The following SRPX variants were observed in gnomAD, a reference collection of about 807,000 sequenced individuals.
SRPX encodes the protein sushi repeat-containing protein SRPX.
In SRPX, 24 loss-of-function variants were observed where a neutral mutation model predicts 38.1. The ratio of observed to expected loss-of-function variants is 0.63; its 90% CI spans 0.46 to 0.89. The LOEUF is 0.89. SRPX is among the 40% of genes least tolerant of loss of function. The probability of loss-of-function intolerance (pLI) is 0.00; values close to 1 mark genes in which losing one functional copy is unlikely to be tolerated. For missense variants in SRPX, 416 were observed against 377.8 expected (o/e 1.10, Z -0.84); for synonymous variants, 184 against 153.8 (o/e 1.20, Z -1.45).
At chrX:38,197,249 G>C (rs376010626) in intron 1 of SRPX, among the ~76,000 whole-genome samples, 2 of 112,207 alleles carry the variant, frequency 1.8e-5, no homozygotes, top group African/African-American at 6.5e-5. Flanking sequence ...AGCTTCCCTG[G>C]CAGGCTTGGG....
At chrX:38,205,012 G>A (rs1486066539) in intron 1 of SRPX, among the ~76,000 whole-genome samples, 4 of 111,358 alleles carry the variant, frequency 3.6e-5, no homozygotes, top group African/African-American at 9.8e-5. Context: ...AGCATGGTAG[G>A]AGACACCCAC....
At position 38,164,754 on chromosome X, in the gene SRPX, C is replaced by T; in HGVS notation, c.653+15G>A. 8.3e-7 allele frequency: 1 copy of T among 1,207,903 alleles called. No individual in the cohort carries two copies. Among genetic ancestry groups the T allele is most frequent in the Admixed American group, 2.2e-5 (1 of 45,613 alleles). On this transcript the variant is annotated intron_variant, in intron 5 of 9. Transcript: ENST00000378533. Reference sequence around the variant, plus strand: ...AAAAGAGACAGCATCATTTTATCTGCCAAGTTTCACTTACTCAGTAAGAAT... The same window carrying T: ...AAAAGAGACAGCATCATTTTATCTGTCAAGTTTCACTTACTCAGTAAGAAT...
At chrX:38,211,988 A>T (rs755663740) in intron 1 of SRPX, among the ~76,000 whole-genome samples, 5 of 112,014 alleles carry the variant, frequency 4.5e-5, no homozygotes, top group Non-Finnish European at 9.4e-5. Context: ...TGTCTTTAAG[A>T]GCTGATCAGT....
chrX:38,189,523 A>AT lies in SRPX; in HGVS notation c.98-11180dup, dbSNP rs200206929. ...TCTCAGCTCAGAGAATGAAGTGATTATCAGTTATAGGAGAACAAGGATTGA... is the reference window on the plus strand; with the variant it reads ...TCTCAGCTCAGAGAATGAAGTGATTATTCAGTTATAGGAGAACAAGGATTGA... On this transcript the variant is annotated intron_variant, in intron 1 of 9. Coordinates refer to ENST00000378533, the MANE Select transcript of SRPX (RefSeq NM_006307.5). Among the ~76,000 whole-genome samples the AT allele has an allele frequency of 2.4e-3, 267 of 111,952 alleles. 1 individual carries two copies. The highest frequency in any genetic ancestry group is 8.1e-3 in the African/African-American group (251 of 30,832).
rs768486843 is a variant in SRPX, at chrX:38,161,020, A to T, written c.688T>A (p.Phe230Ile). Residue 230 changes from phenylalanine to isoleucine, a missense_variant, in exon 6 of 10, where the codon TTT becomes ATT. Transcript: ENST00000378533. ...TGGATCTTGTGGTCTCCTTCTGGAA[A>T]GTTGGAGCCTGGGGGGAGGCCTTTT... ...ILKGLPPGSN[F>I]PEGDHKIQYT... 2.5e-6 allele frequency: 3 copies of T among 1,210,683 alleles called. No homozygotes were observed.
At chrX:38,162,920 G>A (rs754896314) in intron 5 of SRPX, among the ~76,000 whole-genome samples, 43 of 112,988 alleles carry the variant, frequency 3.8e-4, no homozygotes, top group Non-Finnish European at 7.1e-4. Context: ...GACAAATAGA[G>A]TCATCTGATG....
At chrX:38,161,324 G>A (rs1237138389) in intron 5 of SRPX, among the ~76,000 whole-genome samples, 2 of 110,773 alleles carry the variant, frequency 1.8e-5, no homozygotes, top group African/African-American at 6.6e-5. Flanking sequence ...AGTGGGTAGA[G>A]GGGGGAGGGA....
chrX:38,184,784 C>T (rs1938740779), intron 1 of SRPX, among the ~76,000 whole-genome samples: 1 of 111,529 alleles, frequency 9.0e-6, no homozygotes, highest in East Asian at 2.8e-4. Context: ...GAGAGAGAAG[C>T]AAATATGTTT....
intron 1 of SRPX, among the ~76,000 whole-genome samples, chrX:38,212,394 G>A (rs1241027583): frequency 2.7e-5 from 3 of 111,699 alleles, no homozygotes; most frequent in Non-Finnish European, 5.7e-5. Context: ...AGGAGGGGAA[G>A]TGAACCATTG....
chrX:38,162,711 G>T (rs1042052837), intron 5 of SRPX, among the ~76,000 whole-genome samples: 3 of 112,399 alleles, frequency 2.7e-5, no homozygotes, highest in Non-Finnish European at 3.8e-5. Flanking sequence ...CTACTCAGGA[G>T]ACTGAGTCAG....
intron 4 of SRPX, 48 bp downstream of exon 4, chrX:38,171,833 T>C: frequency 8.5e-7 from 1 of 1,179,953 alleles, no homozygotes; most frequent in Non-Finnish European, 1.2e-6. Flanking sequence ...GAACACCCCC[T>C]GCTCCTCCCA....
At chrX:38,186,797 C>A (rs926133573) in intron 1 of SRPX, among the ~76,000 whole-genome samples, 1 of 111,997 alleles carries the variant, frequency 8.9e-6, no homozygotes, top group African/African-American at 3.2e-5. Flanking sequence ...TATGGAGGAA[C>A]ATGAAGCCAG....
At chrX:38,166,514 C>A (rs1472409833) in intron 4 of SRPX, among the ~76,000 whole-genome samples, 1 of 111,743 alleles carries the variant, frequency 8.9e-6, no homozygotes, top group Admixed American at 9.5e-5. Flanking sequence ...TATACAAATA[C>A]TATGATGAAA....
chrX:38,173,025 C>A (rs974446293), intron 3 of SRPX, among the ~76,000 whole-genome samples: 2 of 112,205 alleles, frequency 1.8e-5, no homozygotes, highest in African/African-American at 6.5e-5. Context: ...TAAAAGGCAT[C>A]GAGGAGATCT....
At chrX:38,172,401 TGAG>T (rs1246485312) in intron 3 of SRPX, among the ~76,000 whole-genome samples, 2 of 113,114 alleles carry the variant, frequency 1.8e-5, no homozygotes, top group Admixed American at 9.3e-5. Flanking sequence ...TGCGGCGAGC[TGAG>T]ATTGCGCCAT....
chrX:38,191,879 C>T (rs1347232723), intron 1 of SRPX, among the ~76,000 whole-genome samples: 1 of 112,239 alleles, frequency 8.9e-6, no homozygotes, highest in East Asian at 2.8e-4. Context: ...TCAGAATAGT[C>T]TTTGCTGTAC....
At chrX:38,214,194 T>A (rs1427017076) in intron 1 of SRPX, among the ~76,000 whole-genome samples, 2 of 111,920 alleles carry the variant, frequency 1.8e-5, no homozygotes, top group Non-Finnish European at 3.8e-5. Flanking sequence ...TTTAACTCTC[T>A]GTGTGACCCC....
intron 1 of SRPX, among the ~76,000 whole-genome samples, chrX:38,199,004 T>G (rs999592575): frequency 2.7e-5 from 3 of 111,151 alleles, no homozygotes; most frequent in African/African-American, 9.8e-5. Context: ...TTTTTTTCAT[T>G]GCCATTGGCA....
In SRPX at chrX:38,178,309, C is replaced by G; in HGVS notation, c.133G>C (p.Gly45Arg). 1.7e-6 allele frequency: 2 copies of G among 1,209,729 alleles called. No individual in the cohort carries two copies. Among genetic ancestry groups the G allele is most frequent in the Non-Finnish European group, 2.2e-6 (2 of 894,433 alleles). ...CCTTTATATCTAGGGTGTGAATACC[C>G]GACTTCATCGTCTTCTAGTGGTGAG... The part of the protein sequence containing the change: ...GDSPLEDDEV[G>R]YSHPRYKDTP... Residue 45 changes from glycine (G) to arginine (R), a missense_variant, in exon 2 of 10, where the codon GGG becomes CGG. Transcript: ENST00000378533.
Sources: allele counts gnomAD v4.1 joint callset (sites outside exome capture counted in the v4.1 genomes callset), GRCh38; gene constraint gnomAD v4.1.1; transcripts MANE v1.5; gene names NCBI Gene and HGNC (gene_info 2026-07-23, HGNC 2026-07-21).